Variants in AFF3 observed in about 807,000 individuals in gnomAD.
AFF3 encodes ALF transcription elongation factor 3.
A neutral mutation model predicts 129.7 loss-of-function variants in AFF3; 32 were observed. The observed-to-expected ratio is 0.25, with a 90% CI of 0.19 to 0.33. AFF3 has a LOEUF of 0.33. Among genes scored for constraint, AFF3 ranks in the 10% least tolerant of loss-of-function variants. The probability of loss-of-function intolerance (pLI) is 1.00; values close to 1 mark genes in which losing one functional copy is unlikely to be tolerated. For synonymous variants in AFF3, 644 were observed against 635.4 expected, an observed-to-expected ratio of 1.01 and a Z score of -0.20; for missense variants, 1,373 against 1,592.0, an observed-to-expected ratio of 0.86 and a Z score of 2.34.
intron 8 of AFF3, among the ~76,000 whole-genome samples, chr2:99,794,769 G>A (rs767884045): frequency 3.9e-5 from 6 of 152,274 alleles, no homozygotes; most frequent in Non-Finnish European, 8.8e-5. Flanking sequence ...AGTCTAGAAA[G>A]CAGCTCTGAA....
At chr2:99,859,287 AACC>A (rs759932825) in intron 7 of AFF3, among the ~76,000 whole-genome samples, 1 of 152,198 alleles carries the variant, frequency 6.6e-6, no homozygotes, top group Non-Finnish European at 1.5e-5. Flanking sequence ...TGCCTTCTAG[AACC>A]ACATCCTTTT....
At chr2:100,046,862 C>T (rs866068309) in intron 4 of AFF3, among the ~76,000 whole-genome samples, 80 of 151,922 alleles carry the variant, frequency 5.3e-4, no homozygotes, top group African/African-American at 1.7e-3. Flanking sequence ...GGCAGGAATC[C>T]GCCTTGACAA....
chr2:99,608,453 G>A (rs1415352871), intron 13 of AFF3, among the ~76,000 whole-genome samples: 1 of 152,118 alleles, frequency 6.6e-6, no homozygotes, highest in Non-Finnish European at 1.5e-5. Context: ...CTGTTCCCTT[G>A]GGAATATGCA....
intron 7 of AFF3, among the ~76,000 whole-genome samples, chr2:99,920,417 G>C (rs1249544739): frequency 1.3e-5 from 2 of 151,996 alleles, no homozygotes; most frequent in Non-Finnish European, 2.9e-5. Flanking sequence ...AACACATTAA[G>C]TAGGAAAACT....
At chr2:100,083,478 T>A (rs961105124) in intron 4 of AFF3, among the ~76,000 whole-genome samples, 1 of 152,214 alleles carries the variant, frequency 6.6e-6, no homozygotes, top group African/African-American at 2.4e-5. Context: ...TCACCGCACT[T>A]CTGCCTGGCA....
intron 1 of AFF3, among the ~76,000 whole-genome samples, chr2:100,134,505 G>A (rs1692553812): frequency 3.3e-5 from 5 of 152,106 alleles, no homozygotes; most frequent in Admixed American, 3.3e-4. Flanking sequence ...TTTCGACAGA[G>A]TCAAAGCTAT....
chr2:100,067,924 T>C (rs1272767502), intron 4 of AFF3, among the ~76,000 whole-genome samples: 1 of 152,158 alleles, frequency 6.6e-6, no homozygotes, highest in Non-Finnish European at 1.5e-5. Context: ...CTGCCTACAA[T>C]AAATGTTTGT....
intron 11 of AFF3, among the ~76,000 whole-genome samples, chr2:99,704,437 T>G (rs1453539452): frequency 6.6e-6 from 1 of 152,142 alleles, no homozygotes; most frequent in Non-Finnish European, 1.5e-5. Context: ...CACTAACATG[T>G]GCCACTTCAG....
intron 8 of AFF3, among the ~76,000 whole-genome samples, chr2:99,826,889 G>A (rs899751270): frequency 1.3e-5 from 2 of 151,616 alleles, no homozygotes; most frequent in Admixed American, 6.6e-5. Flanking sequence ...CAGGTCTCTG[G>A]AGTCATGTAG....
intron 11 of AFF3, among the ~76,000 whole-genome samples, chr2:99,724,954 A>C (rs1558788726): frequency 6.6e-6 from 1 of 152,086 alleles, no homozygotes; most frequent in Non-Finnish European, 1.5e-5. Context: ...GTAATTCCTC[A>C]GACAACTTAC....
rs370629638 is a variant in AFF3 at position 99,839,611 on chromosome 2, T to C, written c.874-2087A>G. ...TTGATCTGCATTTTCTTTTTTTTCT[T>C]TCTTTCTTTTTTTTTTTTGAGACGG... is the stretch of plus-strand genomic sequence containing the variant. On this transcript the variant is annotated intron_variant, in intron 7 of 24. Transcript: ENST00000672756. Among the ~76,000 whole-genome samples the C allele has an allele frequency of 1.9e-4, 28 of 147,066 alleles. 1 individual carries two copies. Among genetic ancestry groups the C allele is most frequent in the African/African-American group, 7.0e-4 (28 of 40,080 alleles).
At chr2:99,997,314 T>C (rs551929623) in intron 7 of AFF3, among the ~76,000 whole-genome samples, 2 of 152,320 alleles carry the variant, frequency 1.3e-5, no homozygotes, top group East Asian at 3.9e-4. Context: ...CTCATCTCAG[T>C]TGATAGTAAC....
intron 7 of AFF3, among the ~76,000 whole-genome samples, chr2:99,883,351 G>A (rs1248185092): frequency 6.6e-6 from 1 of 152,156 alleles, no homozygotes; most frequent in Admixed American, 6.5e-5. Flanking sequence ...CAGTCTGAAT[G>A]TAGAGACTTT....
At chr2:99,849,109 T>C (rs1055130865) in intron 7 of AFF3, among the ~76,000 whole-genome samples, 9 of 152,008 alleles carry the variant, frequency 5.9e-5, no homozygotes, top group Admixed American at 3.9e-4. Context: ...AAAAGCATGA[T>C]TCCACTTCTA....
intron 13 of AFF3, among the ~76,000 whole-genome samples, chr2:99,605,727 C>T (rs1680265953): frequency 6.6e-6 from 1 of 152,190 alleles, no homozygotes; most frequent in African/African-American, 2.4e-5. Context: ...TGTTGTTGCC[C>T]AGGCTGGAGT....
intron 13 of AFF3, among the ~76,000 whole-genome samples, chr2:99,635,653 G>A (rs751471409): frequency 2.6e-5 from 4 of 152,108 alleles, no homozygotes; most frequent in Non-Finnish European, 5.9e-5. Flanking sequence ...GGATCTCTCA[G>A]GCATCTAGCT....
chr2:99,933,522 G>C (rs1558987756), intron 7 of AFF3, among the ~76,000 whole-genome samples: 2 of 151,742 alleles, frequency 1.3e-5, no homozygotes, highest in Non-Finnish European at 2.9e-5. Flanking sequence ...TGACAGACAG[G>C]GTGTGATGTT....
rs896896196 is a variant in AFF3 at position 99,730,640 on chromosome 2, G to A, written c.1040-3512C>T. ...AGCGATTCTCCTGCCTCAGCCTCCC[G>A]AGTAGCTGGGACTACAGGTGCCTGC... On this transcript the variant is annotated intron_variant, in intron 10 of 24. Coordinates refer to ENST00000672756, the MANE Select transcript of AFF3 (RefSeq NM_001386135.1). Among the ~76,000 whole-genome samples, 74 of 151,008 alleles carry A rather than the reference G, an allele frequency of 4.9e-4. 2 individuals carry two copies. Among genetic ancestry groups the A allele is most frequent in the South Asian group, 2.1e-4 (1 of 4,774 alleles).
chr2:99,670,112 G>A (rs1383537116), intron 12 of AFF3, among the ~76,000 whole-genome samples: 1 of 152,212 alleles, frequency 6.6e-6, no homozygotes, highest in Non-Finnish European at 1.5e-5. Context: ...GCAAAACTAA[G>A]TAGCAGAGTG....
Sources: gnomAD v4.1 joint callset for allele counts (sites outside exome capture counted in the v4.1 genomes callset) on GRCh38, gnomAD v4.1.1 for gene constraint, MANE v1.5 for transcripts, NCBI Gene and HGNC (gene_info 2026-07-23, HGNC 2026-07-21) for gene names.